The following ITPR3 variants were observed in gnomAD, a reference collection of about 807,000 sequenced individuals.
The protein encoded by ITPR3 is inositol 1,4,5-trisphosphate-gated calcium channel ITPR3.
A neutral mutation model predicts 293.2 loss-of-function variants in ITPR3; 173 were observed. The ratio of observed to expected loss-of-function variants is 0.59; its 90% CI spans 0.52 to 0.67. The LOEUF is 0.67. Ranked by LOEUF, ITPR3 falls within the 30% of genes least tolerant of loss-of-function variation. ITPR3 has a pLI of 0.00. For synonymous variants in ITPR3, 1,295 were observed against 1,444.4 expected (o/e 0.90, Z 2.35); for missense variants, 2,796 against 3,592.1 (o/e 0.78, Z 5.66).
In ITPR3 at chr6:33,679,991, C is replaced by T. The variant is rs2127298179; in HGVS notation, c.4082C>T (p.Pro1361Leu). Residue 1361 changes from proline to leucine, a missense_variant, in exon 31 of 58, where the codon CCC becomes CTC. Physicochemically the swap from Pro to Leu is moderately conservative, Grantham distance 98. Coordinates refer to ENST00000605930, the MANE Select transcript of ITPR3 (RefSeq NM_002224.4). The surrounding 1 kb of genome is among the most constrained non-coding windows in gnomAD (Gnocchi z 4.2). ...CGCGACGGCGTGGAGGACCACAGCC[C>T]CCTCATGTACCACATTTCCCTGGTG... Reference protein sequence around the residue: ...AARDGVEDHSPLMYHISLVDL... With the variant: ...AARDGVEDHSLLMYHISLVDL... The T allele has an allele frequency of 1.2e-6, 2 of 1,613,922 alleles. No homozygotes were observed. The highest frequency in any genetic ancestry group is 1.6e-4 in the Middle Eastern group (1 of 6,062).
rs1230367308 is a variant in ITPR3, at chr6:33,635,364, T to C, written c.90-5120T>C. Among the ~76,000 whole-genome samples, 9 of 152,222 alleles carry C rather than the reference T, an allele frequency of 5.9e-5. No individual in the cohort carries two copies. The East Asian group carries it at 9.6e-4, about 16-fold the overall frequency. ...TTTAAACTACCTGAGGCGGGGACCT[T>C]GTCTTTTGCTTCTTGTGTACTTTAC... On this transcript the variant is annotated intron_variant, in intron 1 of 57. Coordinates refer to ENST00000605930, the MANE Select transcript of ITPR3 (RefSeq NM_002224.4).
At position 33,680,316 on chromosome 6, in the gene ITPR3, G is replaced by T. The variant is rs778667684; in HGVS notation, c.4225-13G>T. The stretch of plus-strand genomic sequence containing the variant: ...GCCCTGCTTGCGCCCCTGACCTCCC[G>T]CCCACTGCCCAGGTGAAAATGGCCT... On this transcript the variant is annotated splice_polypyrimidine_tract_variant and intron_variant, in intron 31 of 57. Transcript: ENST00000605930. The T allele has an allele frequency of 6.2e-7, 1 of 1,609,728 alleles. No individual in the cohort carries two copies. The highest frequency in any genetic ancestry group is 1.1e-5 in the South Asian group (1 of 90,598).
At chr6:33,656,311 T>C (rs1347209413) in intron 3 of ITPR3, among the ~76,000 whole-genome samples, 1 of 152,138 alleles carries the variant, frequency 6.6e-6, no homozygotes, top group Non-Finnish European at 1.5e-5. Context: ...GGCACAGCCC[T>C]GTGCCAGGGT....
Position 33,686,530 on chromosome 6 carries a change from G to A in ITPR3, c.5979+11G>A, listed in dbSNP as rs371877069. The A allele has an allele frequency of 1.1e-5, 17 of 1,601,398 alleles. No homozygotes were observed. Among genetic ancestry groups the A allele is most frequent in the Non-Finnish European group, 1.5e-5 (17 of 1,168,518 alleles). Reference sequence around the variant, plus strand: ...GTGCTGCAGCTCAAGGTGGGGCCCAGTGGCAGGTGTGTGAGTGCTGGGTGT... The same window carrying A: ...GTGCTGCAGCTCAAGGTGGGGCCCAATGGCAGGTGTGTGAGTGCTGGGTGT... On this transcript the variant is annotated intron_variant, in intron 43 of 57. Transcript: ENST00000605930.
chr6:33,691,034 T>C lies in ITPR3; in HGVS notation c.7150T>C (p.Ser2384Pro). 1 of 1,614,188 alleles carries C rather than the reference T, an allele frequency of 6.2e-7. No individual in the cohort carries two copies. The highest frequency in any genetic ancestry group is 8.5e-7 in the Non-Finnish European group (1 of 1,180,036). Residue 2384 changes from serine (S) to proline (P), a missense_variant, in exon 52 of 58, where the codon TCC becomes CCC. By Grantham distance (74) the Ser-to-Pro change is moderately conservative. Coordinates refer to ENST00000605930, the MANE Select transcript of ITPR3 (RefSeq NM_002224.4). This position sits in a 1 kb window ranked among gnomAD's most constrained non-coding sequence, Gnocchi z 4.9. Reference protein sequence around the residue: ...LLALILVYLFSIVGFLFLKDD... With the variant: ...LLALILVYLFPIVGFLFLKDD... ...GGCCCTCATCCTGGTCTACCTCTTC[T>C]CCATCGTCGGCTTCCTCTTCCTCAA...
Position 33,683,388 on chromosome 6 carries a change from G to C in ITPR3, c.4779G>C (p.Glu1593Asp). 3 of 1,570,752 alleles carry C rather than the reference G, an allele frequency of 1.9e-6. No homozygotes were observed. The highest frequency in any genetic ancestry group is 2.6e-6 in the Non-Finnish European group (3 of 1,155,224). The change falls in exon 35 of 58, where the codon GAG (glutamate) becomes GAC (aspartate). Residue 1593 changes from glutamate to aspartate, a missense_variant. Around this residue, in one of 8 missense-constraint regions of ITPR3, gnomAD observed 704 missense variants for 797.5 expected, o/e 0.88. Coordinates refer to ENST00000605930, the MANE Select transcript of ITPR3 (RefSeq NM_002224.4). The surrounding 1 kb of genome is among the most constrained non-coding windows in gnomAD (Gnocchi z 4.5). Reference protein sequence around the residue: ...ANQWDYKNIIEKLQDIITALE... With the variant: ...ANQWDYKNIIDKLQDIITALE... ...AGTGGGACTACAAGAACATCATTGA[G>C]AAGCTGCAGGTGGGTGTGGGGCTGC...
Position 33,684,464 on chromosome 6 carries a change from G to C in ITPR3, c.5045G>C (p.Arg1682Pro), listed in dbSNP as rs772513742. ...MLLKKTKYGD[R>P]GNQLRKMLLQ... ...CTCAAGAAGACCAAGTACGGGGACCGGGTGAGTGCCCTGGTGGGGCAAGTG... is the reference window on the plus strand; with the variant it reads ...CTCAAGAAGACCAAGTACGGGGACCCGGTGAGTGCCCTGGTGGGGCAAGTG... The change falls in exon 37 of 58, where the codon CGG (arginine) becomes CCG (proline). Residue 1682 changes from arginine (R) to proline (P), a missense_variant and splice_region_variant. Physicochemically the swap from Arg to Pro is moderately radical, Grantham distance 103. This residue lies in a region of ITPR3 where 704 missense variants were observed against 797.5 expected (regional missense o/e 0.88). Transcript: ENST00000605930. The surrounding 1 kb of genome is among the most constrained non-coding windows in gnomAD (Gnocchi z 4.2). 6 of 1,613,668 alleles carry C rather than the reference G, an allele frequency of 3.7e-6. No individual in the cohort carries two copies. Among genetic ancestry groups the C allele is most frequent in the Non-Finnish European group, 4.2e-6 (5 of 1,179,672 alleles).
chr6:33,681,903 C>T (rs1166503804), intron 33 of ITPR3, among the ~76,000 whole-genome samples: 5 of 150,940 alleles, frequency 3.3e-5, no homozygotes, highest in Non-Finnish European at 5.9e-5. Context: ...TTTTTTGAGA[C>T]GGAGTCTCAC....
rs970539108 is a variant in ITPR3 at position 33,692,047 on chromosome 6, G to A, written c.7458+119G>A. ...TATTCAGGGTTGAACCCCCTCCCCC[G>A]AACTTGTATCCACTTTTCCCTGCTT... is the stretch of plus-strand genomic sequence containing the variant. On this transcript the variant is annotated intron_variant, in intron 54 of 57. Transcript: ENST00000605930. The surrounding 1 kb of genome is among the most constrained non-coding windows in gnomAD (Gnocchi z 4.2). The A allele has an allele frequency of 1.5e-4, 208 of 1,355,218 alleles. 8 individuals are homozygous for A. The Admixed American group carries it at 2.7e-3, about 17-fold the overall frequency. The allele number at this position is 1,355,218 out of a possible 1,614,324, so 83.9% of individuals were successfully genotyped here. A position where few individuals can be genotyped will look rare whatever the true frequency, so the allele number is the denominator to read the frequency against.
intron 2 of ITPR3, among the ~76,000 whole-genome samples, chr6:33,643,908 T>G (rs1465768505): frequency 6.6e-6 from 1 of 152,130 alleles, no homozygotes; most frequent in Non-Finnish European, 1.5e-5. Flanking sequence ...AAGAGAAAAA[T>G]AGGGCTGGGC....
In ITPR3 at chr6:33,672,397, G is replaced by A. The variant is rs941292814; in HGVS notation, c.2928+169G>A. Among the ~76,000 whole-genome samples, 4 of 151,962 alleles carry A rather than the reference G, an allele frequency of 2.6e-5. No homozygotes were observed. Among genetic ancestry groups the A allele is most frequent in the Non-Finnish European group, 5.9e-5 (4 of 67,986 alleles). On this transcript the variant is annotated intron_variant, in intron 22 of 57. Transcript: ENST00000605930. The surrounding 1 kb of genome is among the most constrained non-coding windows in gnomAD (Gnocchi z 5.0). ...GCGGTTCCCACAGTGTGGTTCTTGGGCCAGCCTCACCTGGGAGCTTGTTAG... is the reference window on the plus strand; with the variant it reads ...GCGGTTCCCACAGTGTGGTTCTTGGACCAGCCTCACCTGGGAGCTTGTTAG...
rs184383500 is a variant in ITPR3 at position 33,664,641 on chromosome 6, C to T, written c.1149-229C>T. 1.3e-4 allele frequency among the ~76,000 whole-genome samples: 20 copies of T among 152,290 alleles called. No homozygotes were observed. Among genetic ancestry groups the T allele is most frequent in the South Asian group, 4.2e-4 (2 of 4,818 alleles). ...TTTTGGAAGCGTGGACAAGGCTGCCCGTGTCAGTGCAGTGGTCAGGACGGG... is the reference window on the plus strand; with the variant it reads ...TTTTGGAAGCGTGGACAAGGCTGCCTGTGTCAGTGCAGTGGTCAGGACGGG... On this transcript the variant is annotated intron_variant, in intron 11 of 57. Coordinates refer to ENST00000605930, the MANE Select transcript of ITPR3 (RefSeq NM_002224.4). The surrounding 1 kb of genome is among the most constrained non-coding windows in gnomAD (Gnocchi z 4.4).
chr6:33,635,584 G>C (rs1763803442), intron 1 of ITPR3, among the ~76,000 whole-genome samples: 1 of 152,182 alleles, frequency 6.6e-6, no homozygotes, highest in Admixed American at 6.5e-5. Flanking sequence ...TAGCCAACCA[G>C]GTGGTGATAA....
chr6:33,693,107 T>C (rs1765439138), intron 55 of ITPR3, among the ~76,000 whole-genome samples: 1 of 152,166 alleles, frequency 6.6e-6, no homozygotes, highest in African/African-American at 2.4e-5. Context: ...TGTAAACCCT[T>C]GGGGTTTCTA....
chr6:33,644,098 A>G (rs1468921301), intron 2 of ITPR3, among the ~76,000 whole-genome samples: 4 of 152,110 alleles, frequency 2.6e-5, no homozygotes, highest in African/African-American at 9.7e-5. Flanking sequence ...GCAGAGGCAG[A>G]AGAATTGCTT....
At position 33,655,006 on chromosome 6, in the gene ITPR3, A is replaced by C. The variant is rs1365652658; in HGVS notation, c.161-760A>C. On this transcript the variant is annotated intron_variant, in intron 2 of 57. Coordinates refer to ENST00000605930, the MANE Select transcript of ITPR3 (RefSeq NM_002224.4). The surrounding 1 kb of genome is among the most constrained non-coding windows in gnomAD (Gnocchi z 4.9). Reference sequence around the variant, plus strand: ...TGCAGCTTAGGCTTATGGGAATGACACTTGTTTTATCTACTTGCCAAAATA... The same window carrying C: ...TGCAGCTTAGGCTTATGGGAATGACCCTTGTTTTATCTACTTGCCAAAATA... 6.6e-6 allele frequency among the ~76,000 whole-genome samples: 1 copy of C among 152,226 alleles called. No individual in the cohort carries two copies. Among genetic ancestry groups the C allele is most frequent in the African/African-American group, 2.4e-5 (1 of 41,450 alleles).
At chr6:33,622,469 GT>G (rs1582090618) in intron 1 of ITPR3, among the ~76,000 whole-genome samples, 1 of 152,320 alleles carries the variant, frequency 6.6e-6, no homozygotes, top group East Asian at 1.9e-4. Context: ...GAGAGGATGG[GT>G]TTATCTTCAG....
intron 2 of ITPR3, among the ~76,000 whole-genome samples, chr6:33,642,919 G>T (rs1402536300): frequency 1.3e-5 from 2 of 152,216 alleles, no homozygotes; most frequent in Non-Finnish European, 2.9e-5. Context: ...GCCCTGTTGG[G>T]ACCTGAGCAG....
chr6:33,669,393 C>T (rs1764699450), intron 18 of ITPR3, among the ~76,000 whole-genome samples: 1 of 152,224 alleles, frequency 6.6e-6, no homozygotes, highest in Non-Finnish European at 1.5e-5. Context: ...AACCAGGCTT[C>T]AAAGAAACCC....
Sources: gnomAD v4.1 joint callset for allele counts (sites outside exome capture counted in the v4.1 genomes callset) on GRCh38, gnomAD v4.1.1 for gene constraint, gnomAD v4.1.1 regional missense constraint, Gnocchi (gnomAD v3.1) non-coding constraint, MANE v1.5 for transcripts, NCBI Gene and HGNC (gene_info 2026-07-23, HGNC 2026-07-21) for gene names.